ATG10: variants seen among roughly 807,000 people sequenced by gnomAD.
ATG10 encodes the protein ubiquitin-like-conjugating enzyme ATG10.
ATG10 carries 30 observed loss-of-function variants against 32.1 expected under a neutral mutation model. The ratio of observed to expected loss-of-function variants is 0.94; its 90% CI spans 0.70 to 1.27. The LOEUF (loss-of-function observed/expected upper bound fraction) is 1.27. ATG10 is among the 50% of genes most tolerant of loss of function. The pLI, the probability that ATG10 is intolerant of heterozygous loss-of-function variation, is 0.00. For missense variants in ATG10, 233 were observed against 262.3 expected (o/e 0.89, Z 0.77); for synonymous variants, 87 against 91.5 (o/e 0.95, Z 0.28).
intron 5 of ATG10, among the ~76,000 whole-genome samples, chr5:82,211,178 T>C (rs147590225): frequency 6.6e-6 from 1 of 152,318 alleles, no homozygotes; most frequent in East Asian, 1.9e-4. Flanking sequence ...TAGTGCATGA[T>C]GGGATTCTAA....
At chr5:82,186,888 C>T (rs1445462175) in intron 5 of ATG10, among the ~76,000 whole-genome samples, 1 of 152,098 alleles carries the variant, frequency 6.6e-6, no homozygotes, top group African/African-American at 2.4e-5. Flanking sequence ...AGCCAATATT[C>T]GTTTTTTTAT....
At chr5:82,174,787 C>T (rs1581770396) in intron 4 of ATG10, among the ~76,000 whole-genome samples, 1 of 152,280 alleles carries the variant, frequency 6.6e-6, no homozygotes, top group South Asian at 2.1e-4. Flanking sequence ...GTTTTAAAAA[C>T]ATGTAGTCCC....
chr5:82,045,633 G>C (rs1164660970), intron 2 of ATG10, among the ~76,000 whole-genome samples: 1 of 152,160 alleles, frequency 6.6e-6, no homozygotes, highest in African/African-American at 2.4e-5. Context: ...GAGAAGGAGG[G>C]AATTCAGTAT....
In ATG10 at chr5:82,036,390, T is replaced by G. The variant is rs1276680829; in HGVS notation, c.109-22105T>G. 2.0e-5 allele frequency among the ~76,000 whole-genome samples: 3 copies of G among 152,192 alleles called. No individual in the cohort carries two copies. In the East Asian group the frequency reaches 5.8e-4, roughly 29 times the overall value. ...GGGCAGATCACCTGATGTCAGGAGT[T>G]CGAGATTAGCCTGGCCAACATGATG... On this transcript the variant is annotated intron_variant, in intron 2 of 7. Coordinates refer to ENST00000282185, the MANE Select transcript of ATG10 (RefSeq NM_031482.5).
chr5:82,065,540 C>T (rs1295560736), intron 3 of ATG10, among the ~76,000 whole-genome samples: 2 of 151,564 alleles, frequency 1.3e-5, no homozygotes, highest in Admixed American at 6.6e-5. Context: ...CAAACATAAT[C>T]GATGCTGGCT....
chr5:82,124,782 T>G (rs1766193015), intron 3 of ATG10, among the ~76,000 whole-genome samples: 1 of 152,170 alleles, frequency 6.6e-6, no homozygotes, highest in Non-Finnish European at 1.5e-5. Flanking sequence ...GTAGCATGAT[T>G]TATAATCCTT....
chr5:82,253,335 A>G lies in ATG10; in HGVS notation c.573A>G (p.Ser191=), dbSNP rs184575062. 12 of 1,612,440 alleles carry G rather than the reference A, an allele frequency of 7.4e-6. No individual in the cohort carries two copies. The highest frequency in any genetic ancestry group is 5.3e-5 in the African/African-American group (4 of 75,020). The change falls in exon 7 of 8, where the codon TCA becomes TCG. Residue 191 remains serine, a synonymous_variant. Coordinates refer to ENST00000282185, the MANE Select transcript of ATG10 (RefSeq NM_031482.5). ...CTAGGAATGTCAACTATATCACATCATGGCTGAGCATTGTAGGGCCAGTTG... is the reference window on the plus strand; with the variant it reads ...CTAGGAATGTCAACTATATCACATCGTGGCTGAGCATTGTAGGGCCAGTTG... ...KINKNVNYIT[S]WLSIVGPVVG... is the part of the protein sequence containing the mutation.
intron 3 of ATG10, among the ~76,000 whole-genome samples, chr5:82,161,045 C>G (rs1743309798): frequency 6.6e-6 from 1 of 152,158 alleles, no homozygotes; most frequent in African/African-American, 2.4e-5. Flanking sequence ...CCATCTGGCA[C>G]TTTTAACTGG....
At chr5:82,244,028 G>A (rs1746917629) in intron 5 of ATG10, among the ~76,000 whole-genome samples, 1 of 152,118 alleles carries the variant, frequency 6.6e-6, no homozygotes. Context: ...ACATAGTAGG[G>A]CCAACAATTA....
intron 3 of ATG10, among the ~76,000 whole-genome samples, chr5:82,081,435 C>G (rs1026478195): frequency 1.3e-5 from 2 of 152,156 alleles, no homozygotes; most frequent in Admixed American, 6.5e-5. Flanking sequence ...CTGTCTTGTG[C>G]CAGTTTTCAA....
At chr5:82,081,936 C>G (rs956019563) in intron 3 of ATG10, among the ~76,000 whole-genome samples, 2 of 152,122 alleles carry the variant, frequency 1.3e-5, no homozygotes, top group Admixed American at 6.6e-5. Flanking sequence ...AGGAATGGTA[C>G]CAGTTCCTCC....
intron 5 of ATG10, among the ~76,000 whole-genome samples, chr5:82,229,062 A>T (rs1347592367): frequency 1.3e-5 from 2 of 152,126 alleles, no homozygotes; most frequent in African/African-American, 4.8e-5. Context: ...AAACACATGT[A>T]CTCCCAATTT....
intron 2 of ATG10, among the ~76,000 whole-genome samples, chr5:82,026,216 CAT>C (rs1424469374): frequency 2.0e-5 from 3 of 152,180 alleles, no homozygotes; most frequent in Non-Finnish European, 4.4e-5. Context: ...TTCGGTAACT[CAT>C]ATAAATGGAT....
chr5:82,043,325 A>G (rs570568991), intron 2 of ATG10, among the ~76,000 whole-genome samples: 3 of 152,328 alleles, frequency 2.0e-5, no homozygotes, highest in Admixed American at 1.3e-4. Context: ...GGCTGGACAG[A>G]GCAGTGGGGC....
At chr5:82,014,199 T>C (rs1294069018) in intron 2 of ATG10, among the ~76,000 whole-genome samples, 2 of 152,214 alleles carry the variant, frequency 1.3e-5, no homozygotes, top group African/African-American at 4.8e-5. Flanking sequence ...AGAGACAGTT[T>C]GTTATAATTT....
chr5:82,207,571 A>G (rs1015169779), intron 5 of ATG10, among the ~76,000 whole-genome samples: 6 of 152,166 alleles, frequency 3.9e-5, no homozygotes, highest in Non-Finnish European at 7.3e-5. Flanking sequence ...CTTTTTCAGC[A>G]TGGTAGCCTG....
intron 3 of ATG10, among the ~76,000 whole-genome samples, chr5:82,132,595 T>A (rs1766585401): frequency 6.6e-6 from 1 of 152,138 alleles, no homozygotes; most frequent in South Asian, 2.1e-4. Context: ...CATCCTTTTT[T>A]ATGAGTGCAT....
chr5:82,000,425 C>G (rs555846587), intron 2 of ATG10, among the ~76,000 whole-genome samples: 7 of 152,270 alleles, frequency 4.6e-5, no homozygotes, highest in Non-Finnish European at 1.0e-4. Context: ...GATGCCCTCT[C>G]TCATCACTCC....
At chr5:82,175,467 G>A (rs1463907933) in intron 4 of ATG10, among the ~76,000 whole-genome samples, 1 of 152,176 alleles carries the variant, frequency 6.6e-6, no homozygotes, top group Non-Finnish European at 1.5e-5. Context: ...TTAAGGTGAT[G>A]AAAATGTTCT....
Sources: gnomAD v4.1 joint callset for allele counts (sites outside exome capture counted in the v4.1 genomes callset) on GRCh38, gnomAD v4.1.1 for gene constraint, MANE v1.5 for transcripts, NCBI Gene and HGNC (gene_info 2026-07-23, HGNC 2026-07-21) for gene names.